Variants in DENND4A observed in about 807,000 individuals in gnomAD.
The protein encoded by DENND4A is C-myc promoter-binding protein.
DENND4A carries 70 observed loss-of-function variants against 199.3 expected under a neutral mutation model. That is an observed-to-expected ratio of 0.35 (90% CI 0.29 to 0.43). DENND4A has a LOEUF of 0.43. Among genes scored for constraint, DENND4A ranks in the 20% least tolerant of loss-of-function variants. The pLI is 1.00. For missense variants in DENND4A, 1,723 were observed against 2,255.8 expected (o/e 0.76, Z 4.78); for synonymous variants, 686 against 766.9 (o/e 0.89, Z 1.74).
chr15:65,686,398 T>G (rs2076782552), intron 23 of DENND4A, among the ~76,000 whole-genome samples: 1 of 152,224 alleles, frequency 6.6e-6, no homozygotes, highest in Non-Finnish European at 1.5e-5. Context: ...TGCTGAGATT[T>G]GTCTTGACCA....
At chr15:65,785,933 C>CA (rs993111926) in intron 1 of DENND4A, among the ~76,000 whole-genome samples, 3 of 151,886 alleles carry the variant, frequency 2.0e-5, no homozygotes, top group African/African-American at 7.3e-5. Context: ...TAAAAACAAA[C>CA]AAAAAAACTT....
At position 65,691,412 on chromosome 15, in the gene DENND4A, T is replaced by C. The variant is rs539198798; in HGVS notation, c.3182A>G (p.Asn1061Ser). 24 of 1,613,496 alleles carry C rather than the reference T, an allele frequency of 1.5e-5. No individual in the cohort carries two copies. The highest frequency in any genetic ancestry group is 5.3e-5 in the African/African-American group (4 of 74,928). The change falls in exon 23 of 33, where the codon AAT (asparagine) becomes AGT (serine). Residue 1061 changes from asparagine to serine, a missense_variant. This residue lies in a region of DENND4A where 650 missense variants were observed against 738.1 expected (regional missense o/e 0.88). Transcript: ENST00000443035. ...CACTTGCTGCTGCAAATTAGTTTCATTGTCACTTTTATGTCTTTTCCTGAA... is the reference window on the plus strand; with the variant it reads ...CACTTGCTGCTGCAAATTAGTTTCACTGTCACTTTTATGTCTTTTCCTGAA... ...RCFRKRHKSD[N>S]ETNLQQQVVW...
intron 14 of DENND4A, among the ~76,000 whole-genome samples, chr15:65,714,419 A>G (rs948677417): frequency 9.5e-6 from 1 of 105,230 alleles, no homozygotes; most frequent in Non-Finnish European, 1.9e-5. Context: ...TCTCAAAAAA[A>G]AAAACAAAAA....
chr15:65,702,268 CA>C, intron 17 of DENND4A, 36 bp downstream of exon 17: 2 of 1,517,624 alleles, frequency 1.3e-6, no homozygotes, highest in Non-Finnish European at 1.8e-6. Flanking sequence ...GACCCCATCT[CA>C]AAAAAATAAA....
intron 14 of DENND4A, among the ~76,000 whole-genome samples, chr15:65,714,780 C>G (rs1047453333): frequency 6.6e-6 from 1 of 152,192 alleles, no homozygotes; most frequent in African/African-American, 2.4e-5. Context: ...CATGGATACC[C>G]TCTTTAAACT....
intron 22 of DENND4A, among the ~76,000 whole-genome samples, chr15:65,693,907 T>C (rs1201565751): frequency 6.6e-6 from 1 of 152,048 alleles, no homozygotes. Context: ...ACCTGACATA[T>C]AGTAGAATCT....
intron 2 of DENND4A, among the ~76,000 whole-genome samples, chr15:65,758,424 C>T (rs2076769240): frequency 6.6e-6 from 1 of 152,184 alleles, no homozygotes; most frequent in African/African-American, 2.4e-5. Context: ...AGCAATCCTC[C>T]TGCCTCAGCC....
At chr15:65,715,185 G>GCA (rs983088421) in intron 14 of DENND4A, 4 of 228,600 alleles carry the variant, frequency 1.7e-5, no homozygotes, top group Non-Finnish European at 3.4e-5. Context: ...AGTTGGAGGT[G>GCA]CACAGGCTGG....
chr15:65,767,996 T>G (rs960719662), intron 1 of DENND4A, among the ~76,000 whole-genome samples: 8 of 152,122 alleles, frequency 5.3e-5, no homozygotes, highest in African/African-American at 1.7e-4. Flanking sequence ...TCTCAGGTGC[T>G]CTTACCCCAC....
rs1052722946 is a variant in DENND4A, at chr15:65,744,295, G to A, written c.562-2511C>T. 7.2e-5 allele frequency among the ~76,000 whole-genome samples: 11 copies of A among 152,176 alleles called. 1 individual carries two copies. The highest frequency in any genetic ancestry group is 2.7e-4 in the African/African-American group (11 of 41,438). On this transcript the variant is annotated intron_variant, in intron 4 of 32. Transcript: ENST00000443035. ...ACTGTGGATAAAGCAGGTTTGGGGT[G>A]AAGATAAGGGGTTCAGTTTTAGACA...
chr15:65,772,494 G>A (rs1039238869), intron 1 of DENND4A, among the ~76,000 whole-genome samples: 2 of 151,908 alleles, frequency 1.3e-5, no homozygotes, highest in Non-Finnish European at 2.9e-5. Flanking sequence ...AGACCATGAC[G>A]TCAGGAGTTT....
chr15:65,767,739 A>C (rs530209112), intron 1 of DENND4A, among the ~76,000 whole-genome samples: 10 of 152,354 alleles, frequency 6.6e-5, no homozygotes, highest in Non-Finnish European at 8.8e-5. Flanking sequence ...AATCAGTAAG[A>C]AGCAGAAAGG....
rs570952141 is a variant in DENND4A at position 65,727,213 on chromosome 15, G to A, written c.1487+1859C>T. On this transcript the variant is annotated intron_variant, in intron 11 of 32. Coordinates refer to ENST00000443035, the MANE Select transcript of DENND4A (RefSeq NM_001320835.1). ...CACACCTATAATCTCAGCACTTTGG[G>A]AGGCTGAGGCAGGCGGATCACGAGG... is the stretch of plus-strand genomic sequence containing the variant. Among the ~76,000 whole-genome samples the A allele has an allele frequency of 2.2e-4, 33 of 152,126 alleles. 1 individual carries two copies. The Middle Eastern group carries it at 0.01, about 47-fold the overall frequency.
intron 4 of DENND4A, among the ~76,000 whole-genome samples, chr15:65,744,685 CA>C (rs1365257460): frequency 5.3e-5 from 8 of 152,056 alleles, no homozygotes; most frequent in African/African-American, 1.9e-4. Flanking sequence ...ACTAAGTAAA[CA>C]TTAGTGGGTA....
chr15:65,735,430 C>T (rs907964245), intron 7 of DENND4A, among the ~76,000 whole-genome samples: 5 of 152,108 alleles, frequency 3.3e-5, no homozygotes, highest in Non-Finnish European at 7.4e-5. Flanking sequence ...TATATGATGT[C>T]ATTTGCTTTC....
chr15:65,732,309 G>C (rs1012754005), intron 8 of DENND4A, among the ~76,000 whole-genome samples: 2 of 151,956 alleles, frequency 1.3e-5, no homozygotes, highest in African/African-American at 4.8e-5. Flanking sequence ...ATCACATGTG[G>C]ATATTCAGAC....
At chr15:65,708,485 T>G (rs557461642) in intron 14 of DENND4A, among the ~76,000 whole-genome samples, 4 of 152,304 alleles carry the variant, frequency 2.6e-5, no homozygotes, top group Non-Finnish European at 4.4e-5. Context: ...CACTGTAGAC[T>G]CAATAGCTTG....
At chr15:65,771,474 T>A (rs1451763194) in intron 1 of DENND4A, 4 of 1,609,400 alleles carry the variant, frequency 2.5e-6, no homozygotes, top group African/African-American at 1.3e-5. Context: ...GTTCCAGATC[T>A]GGGATAGAAG....
chr15:65,686,620 A>T (rs188746177), intron 23 of DENND4A, among the ~76,000 whole-genome samples: 13 of 152,058 alleles, frequency 8.5e-5, no homozygotes, highest in Admixed American at 1.3e-4. Flanking sequence ...TTGGCCTAGA[A>T]CTCCTGGACT....
Sources: gnomAD v4.1 joint callset for allele counts (sites outside exome capture counted in the v4.1 genomes callset) on GRCh38, gnomAD v4.1.1 for gene constraint, gnomAD v4.1.1 regional missense constraint, MANE v1.5 for transcripts, NCBI Gene and HGNC (gene_info 2026-07-23, HGNC 2026-07-21) for gene names.